PTPRN2: variants seen among roughly 807,000 people sequenced by gnomAD.
PTPRN2 encodes receptor-type tyrosine-protein phosphatase N2.
A neutral mutation model predicts 118.8 loss-of-function variants in PTPRN2; 74 were observed. The observed-to-expected ratio is 0.62, with a 90% CI of 0.52 to 0.76. The LOEUF (loss-of-function observed/expected upper bound fraction) is 0.76, where lower values mean the gene tolerates loss of function less well. Among genes scored for constraint, PTPRN2 ranks in the 30% least tolerant of loss-of-function variants. PTPRN2 has a pLI of 0.00. For synonymous variants in PTPRN2, 641 were observed against 608.0 expected (o/e 1.05, Z -0.80); for missense variants, 1,481 against 1,394.4 (o/e 1.06, Z -0.99).
intron 11 of PTPRN2, among the ~76,000 whole-genome samples, chr7:158,004,899 C>T (rs948960043): frequency 6.6e-6 from 1 of 152,014 alleles, no homozygotes; most frequent in African/African-American, 2.4e-5. Context: ...ATTTTAAAAC[C>T]TCTTAGGGTA....
At chr7:157,858,082 G>GCTACCACCCACAC in intron 12 of PTPRN2, among the ~76,000 whole-genome samples, 1 of 88,488 alleles carries the variant, frequency 1.1e-5, no homozygotes, top group Admixed American at 1.0e-4. Flanking sequence ...GGAGAACCCC[G>GCTACCACCCACAC]TCACCACCCA....
In PTPRN2 at chr7:157,596,842, C is replaced by G. The variant is rs1801371850; in HGVS notation, c.2419-1527G>C. Among the ~76,000 whole-genome samples, 1 of 152,218 alleles carries G rather than the reference C, an allele frequency of 6.6e-6. No homozygotes were observed. The highest frequency in any genetic ancestry group is 1.5e-5 in the Non-Finnish European group (1 of 68,038). Reference sequence around the variant, plus strand: ...GGTTTGATTCGAGATTTACAATGTTCAGATTTCAAGGTAATTATTAAGAAA... The same window carrying G: ...GGTTTGATTCGAGATTTACAATGTTGAGATTTCAAGGTAATTATTAAGAAA... On this transcript the variant is annotated intron_variant, in intron 16 of 22. Transcript: ENST00000389418. This position sits in a 1 kb window ranked among gnomAD's most constrained non-coding sequence, Gnocchi z 4.2.
intron 12 of PTPRN2, among the ~76,000 whole-genome samples, chr7:157,855,260 T>C (rs1012325801): frequency 6.6e-6 from 1 of 152,102 alleles, no homozygotes; most frequent in Non-Finnish European, 1.5e-5. Flanking sequence ...CTGACTCTCG[T>C]GCTCTGCGGA....
intron 12 of PTPRN2, among the ~76,000 whole-genome samples, chr7:157,750,116 C>G (rs1801372843): frequency 6.6e-6 from 1 of 152,024 alleles, no homozygotes; most frequent in African/African-American, 2.4e-5. Context: ...CATACTCAGG[C>G]CTGCAACATA....
chr7:158,521,600 GGA>G (rs1824030431), intron 1 of PTPRN2, among the ~76,000 whole-genome samples: 1 of 132,180 alleles, frequency 7.6e-6, no homozygotes, highest in Non-Finnish European at 1.7e-5. Flanking sequence ...TCACAATGGT[GGA>G]CTGTCCAGGT....
At chr7:158,571,019 G>A (rs1207382862) in intron 1 of PTPRN2, among the ~76,000 whole-genome samples, 2 of 152,218 alleles carry the variant, frequency 1.3e-5, no homozygotes, top group East Asian at 1.9e-4. Context: ...GGCAGGAGCC[G>A]CACCGGACAC....
intron 6 of PTPRN2, among the ~76,000 whole-genome samples, chr7:158,147,886 A>T (rs1820349026): frequency 2.9e-5 from 4 of 135,598 alleles, no homozygotes; most frequent in African/African-American, 1.1e-4. Context: ...ATCTCACGCC[A>T]CGTGTCTTTC....
At chr7:158,431,272 C>A (rs1563285155) in intron 2 of PTPRN2, among the ~76,000 whole-genome samples, 2 of 149,240 alleles carry the variant, frequency 1.3e-5, no homozygotes, top group African/African-American at 5.0e-5. Flanking sequence ...TCACTCCGGG[C>A]TCAACACTGG....
At chr7:158,030,753 C>T (rs971321160) in intron 11 of PTPRN2, 9 of 152,402 alleles carry the variant, frequency 5.9e-5, no homozygotes, top group African/African-American at 1.9e-4. Context: ...TGCACGGCCC[C>T]GCTAAGACCT....
chr7:157,976,886 T>C (rs967232669), intron 11 of PTPRN2, among the ~76,000 whole-genome samples: 1 of 151,924 alleles, frequency 6.6e-6, no homozygotes, highest in African/African-American at 2.4e-5. Flanking sequence ...TAAACACTTC[T>C]GCTTAAGCTC....
At chr7:157,818,933 A>T (rs562704171) in intron 12 of PTPRN2, among the ~76,000 whole-genome samples, 1 of 152,074 alleles carries the variant, frequency 6.6e-6, no homozygotes, top group South Asian at 2.1e-4. Flanking sequence ...AGGCCCAGGC[A>T]CCCGTGACAA....
At chr7:158,578,613 G>A (rs1014581426) in intron 1 of PTPRN2, among the ~76,000 whole-genome samples, 11 of 151,416 alleles carry the variant, frequency 7.3e-5, no homozygotes, top group Admixed American at 3.3e-4. Context: ...GAGTGATGCC[G>A]ACTGTTGGGT....
chr7:157,996,658 T>A (rs916121832), intron 11 of PTPRN2, among the ~76,000 whole-genome samples: 1 of 152,164 alleles, frequency 6.6e-6, no homozygotes, highest in Non-Finnish European at 1.5e-5. Flanking sequence ...GAGAACAGGG[T>A]CAGGGGACCT....
intron 9 of PTPRN2, among the ~76,000 whole-genome samples, chr7:158,117,094 A>G (rs1816786680): frequency 6.6e-6 from 1 of 152,152 alleles, no homozygotes; most frequent in Non-Finnish European, 1.5e-5. Flanking sequence ...GTCTCTAAAA[A>G]AAGACCTGAT....
intron 12 of PTPRN2, among the ~76,000 whole-genome samples, chr7:157,686,821 C>T (rs559424004): frequency 6.6e-6 from 1 of 151,934 alleles, no homozygotes; most frequent in East Asian, 1.9e-4. Context: ...GGGGTGCGTC[C>T]CGGGTGGGGG....
At chr7:158,420,883 T>A (rs531567020) in intron 2 of PTPRN2, among the ~76,000 whole-genome samples, 1 of 152,300 alleles carries the variant, frequency 6.6e-6, no homozygotes, top group African/African-American at 2.4e-5. Context: ...GACGTGGCAG[T>A]TGCATGAGGG....
intron 11 of PTPRN2, among the ~76,000 whole-genome samples, chr7:158,001,354 C>CA (rs1283736524): frequency 2.0e-5 from 3 of 151,590 alleles, no homozygotes; most frequent in Non-Finnish European, 4.4e-5. Context: ...TCCACACTCA[C>CA]AGCAACCCAG....
In PTPRN2 at chr7:158,471,149, C is replaced by G. The variant is rs571262440; in HGVS notation, c.163+18586G>C. On this transcript the variant is annotated intron_variant, in intron 2 of 22. Coordinates refer to ENST00000389418, the MANE Select transcript of PTPRN2 (RefSeq NM_002847.5). Reference sequence around the variant, plus strand: ...CAGTGCTCTTTTAATTGGTGAGAAGCTGAGCAAAGCTTCCTCCTCTCTGAA... The same window carrying G: ...CAGTGCTCTTTTAATTGGTGAGAAGGTGAGCAAAGCTTCCTCCTCTCTGAA... Among the ~76,000 whole-genome samples the G allele has an allele frequency of 3.0e-4, 45 of 152,278 alleles. 1 individual carries two copies. The highest frequency in any genetic ancestry group is 1.1e-3 in the African/African-American group (45 of 41,568).
chr7:157,965,095 G>A lies in PTPRN2; in HGVS notation c.1724-66358C>T, dbSNP rs577353662. 9.8e-5 allele frequency among the ~76,000 whole-genome samples: 15 copies of A among 152,314 alleles called. No homozygotes were observed. In the South Asian group the frequency reaches 3.1e-3, roughly 32 times the overall value. On this transcript the variant is annotated intron_variant, in intron 11 of 22. Coordinates refer to ENST00000389418, the MANE Select transcript of PTPRN2 (RefSeq NM_002847.5). ...CAGAACACCAAGAAAGGGATCTCCAGACAGGGACCTGAAAACAGGATATGG... is the reference window on the plus strand; with the variant it reads ...CAGAACACCAAGAAAGGGATCTCCAAACAGGGACCTGAAAACAGGATATGG...
Sources: gnomAD v4.1 joint callset for allele counts (sites outside exome capture counted in the v4.1 genomes callset) on GRCh38, gnomAD v4.1.1 for gene constraint, Gnocchi (gnomAD v3.1) non-coding constraint, MANE v1.5 for transcripts, NCBI Gene and HGNC (gene_info 2026-07-23, HGNC 2026-07-21) for gene names.